The following MRTFA variants were observed in gnomAD, a reference collection of about 807,000 sequenced individuals.
The protein encoded by MRTFA is myocardin related transcription factor A, also known as myocardin-related transcription factor A.
A neutral mutation model predicts 83.5 loss-of-function variants in MRTFA; 20 were observed. The ratio of observed to expected loss-of-function variants is 0.24; its 90% CI spans 0.17 to 0.35. The LOEUF is 0.35. Ranked by LOEUF, MRTFA falls within the 10% of genes least tolerant of loss-of-function variation. The probability of loss-of-function intolerance (pLI) is 1.00; values close to 1 mark genes in which losing one functional copy is unlikely to be tolerated. For synonymous variants in MRTFA, 659 were observed against 541.2 expected, an observed-to-expected ratio of 1.22 and a Z score of -3.02; for missense variants, 1,200 against 1,224.7, an observed-to-expected ratio of 0.98 and a Z score of 0.30.
At chr22:40,496,303 A>C (rs2054354599) in intron 3 of MRTFA, among the ~76,000 whole-genome samples, 1 of 151,410 alleles carries the variant, frequency 6.6e-6, no homozygotes, top group Non-Finnish European at 1.5e-5. Context: ...AGCACTCAGT[A>C]AATTTGAGCT....
intron 14 of MRTFA, 94 bp from the exon 15 acceptor site, chr22:40,412,001 A>AT: frequency 9.2e-7 from 1 of 1,088,174 alleles, no homozygotes; most frequent in Non-Finnish European, 1.2e-6. Flanking sequence ...ACGTCACACC[A>AT]TTTACAAAAA....
chr22:40,510,162 A>T (rs1039525603), intron 3 of MRTFA, among the ~76,000 whole-genome samples: 9 of 152,154 alleles, frequency 5.9e-5, no homozygotes, highest in Admixed American at 3.3e-4. Flanking sequence ...AATACAGTGT[A>T]AGGTCCCAGC....
chr22:40,534,987 G>T (rs997032534), intron 3 of MRTFA, among the ~76,000 whole-genome samples: 1 of 152,172 alleles, frequency 6.6e-6, no homozygotes, highest in Non-Finnish European at 1.5e-5. Context: ...AATTTGGGGT[G>T]AGGGAGACTC....
At chr22:40,472,619 A>C (rs1472409109) in intron 3 of MRTFA, among the ~76,000 whole-genome samples, 19 of 152,236 alleles carry the variant, frequency 1.2e-4, no homozygotes, top group Admixed American at 1.2e-3. Flanking sequence ...TAATTTAATA[A>C]ACAATCATGT....
At chr22:40,582,751 T>C (rs369444779) in intron 2 of MRTFA, among the ~76,000 whole-genome samples, 6 of 152,180 alleles carry the variant, frequency 3.9e-5, no homozygotes, top group African/African-American at 1.4e-4. Context: ...CTGCACTGTT[T>C]GTTCAAAAAT....
intron 3 of MRTFA, among the ~76,000 whole-genome samples, chr22:40,538,565 AAAAAAATAAATT>A (rs919027318): frequency 1.3e-5 from 1 of 75,860 alleles, no homozygotes; most frequent in African/African-American, 5.7e-5. Context: ...AATTATCAAT[AAAAAAATAAATT>A]AAAAAAAAAA....
At chr22:40,500,799 A>G (rs1253058289) in intron 3 of MRTFA, among the ~76,000 whole-genome samples, 1 of 151,314 alleles carries the variant, frequency 6.6e-6, no homozygotes, top group Non-Finnish European at 1.5e-5. Flanking sequence ...ACTTCTTTCT[A>G]CACAGACACG....
chr22:40,491,495 A>AC (rs1421141857), intron 3 of MRTFA, among the ~76,000 whole-genome samples: 1 of 152,218 alleles, frequency 6.6e-6, no homozygotes, highest in Admixed American at 6.5e-5. Context: ...ATTTTAAATT[A>AC]TGATGTCTTA....
chr22:40,602,860 T>C (rs1050420968), intron 1 of MRTFA, among the ~76,000 whole-genome samples: 49 of 151,894 alleles, frequency 3.2e-4, no homozygotes, highest in Admixed American at 3.1e-3. Flanking sequence ...AAACAATAGT[T>C]AAAGGTGATT....
At chr22:40,450,071 T>C (rs921988089) in intron 4 of MRTFA, among the ~76,000 whole-genome samples, 3 of 152,144 alleles carry the variant, frequency 2.0e-5, no homozygotes, top group East Asian at 1.9e-4. Context: ...TATGTAAGGG[T>C]TGACACTAGC....
chr22:40,495,129 T>C (rs2054329857), intron 3 of MRTFA, among the ~76,000 whole-genome samples: 1 of 151,744 alleles, frequency 6.6e-6, no homozygotes, highest in Non-Finnish European at 1.5e-5. Context: ...ATCCCAGCAC[T>C]TTGGGAGGCT....
At chr22:40,463,058 T>C (rs1440473380) in intron 4 of MRTFA, among the ~76,000 whole-genome samples, 163 bp downstream of exon 4, 1 of 152,220 alleles carries the variant, frequency 6.6e-6, no homozygotes, top group Non-Finnish European at 1.5e-5. Flanking sequence ...ATCTTAACTA[T>C]TTAGTGATTG....
chr22:40,449,838 T>A lies in MRTFA; in HGVS notation c.307+13383A>T, dbSNP rs147178491. 3.2e-3 allele frequency among the ~76,000 whole-genome samples: 484 copies of A among 152,360 alleles called. 3 individuals are homozygous for A. The highest frequency in any genetic ancestry group is 0.01 in the Middle Eastern group (3 of 294). On this transcript the variant is annotated intron_variant, in intron 4 of 14. Coordinates refer to ENST00000355630, the MANE Select transcript of MRTFA (RefSeq NM_020831.6). ...GTCAGAGAATCTGGGCTTTTTGCCA[T>A]CTTCCTCACACCCTGGCTAGGGCTT...
intron 3 of MRTFA, among the ~76,000 whole-genome samples, chr22:40,528,760 T>C (rs533273684): frequency 2.5e-4 from 37 of 149,738 alleles, no homozygotes; most frequent in Non-Finnish European, 4.8e-4. Context: ...AAAAAAAGTA[T>C]GTTTTTTTAA....
At position 40,593,583 on chromosome 22, in the gene MRTFA, T is replaced by C. The variant is rs1285897229; in HGVS notation, c.-22+1091A>G. On this transcript the variant is annotated intron_variant, in intron 2 of 14. Coordinates refer to ENST00000355630, the MANE Select transcript of MRTFA (RefSeq NM_020831.6). Reference sequence around the variant, plus strand: ...CCACTAGATGATGACAAAGGATTCATTTACAGAAGTTTAACTTTAATCTAC... The same window carrying C: ...CCACTAGATGATGACAAAGGATTCACTTACAGAAGTTTAACTTTAATCTAC... Among the ~76,000 whole-genome samples the C allele has an allele frequency of 7.9e-5, 12 of 152,204 alleles. No individual in the cohort carries two copies. In the East Asian group the frequency reaches 2.3e-3, roughly 29 times the overall value.
intron 2 of MRTFA, among the ~76,000 whole-genome samples, chr22:40,558,934 C>A (rs187823195): frequency 1.3e-5 from 2 of 151,836 alleles, no homozygotes; most frequent in Non-Finnish European, 2.9e-5. Context: ...TACAGGCACG[C>A]AACACTACAT....
At chr22:40,593,891 T>C (rs538142508) in intron 2 of MRTFA, among the ~76,000 whole-genome samples, 1 of 152,214 alleles carries the variant, frequency 6.6e-6, no homozygotes, top group Non-Finnish European at 1.5e-5. Context: ...CCTGTACCAA[T>C]AAGCAACGGG....
intron 1 of MRTFA, among the ~76,000 whole-genome samples, chr22:40,625,906 G>A (rs1371498845): frequency 6.6e-6 from 1 of 152,090 alleles, no homozygotes; most frequent in Non-Finnish European, 1.5e-5. Context: ...AAGAGTGAAA[G>A]GCTCTTGCAT....
chr22:40,468,296 T>C (rs1201281029), intron 3 of MRTFA, among the ~76,000 whole-genome samples: 1 of 152,168 alleles, frequency 6.6e-6, no homozygotes, highest in Non-Finnish European at 1.5e-5. Context: ...TGTCCTGGAT[T>C]TCACTGGAAA....
Sources: allele counts gnomAD v4.1 joint callset (sites outside exome capture counted in the v4.1 genomes callset), GRCh38; gene constraint gnomAD v4.1.1; transcripts MANE v1.5; gene names NCBI Gene and HGNC (gene_info 2026-07-23, HGNC 2026-07-21).